The following UBE3A variants were observed in gnomAD, a reference collection of about 807,000 sequenced individuals.
The protein encoded by UBE3A is ubiquitin-protein ligase E3A.
Under a neutral mutation model 83.4 loss-of-function variants are expected in UBE3A, and 6 were observed. That is an observed-to-expected ratio of 0.07 (90% CI 0.04 to 0.14). The LOEUF is 0.14. UBE3A is among the 10% of genes least tolerant of loss of function. The probability of loss-of-function intolerance (pLI) is 1.00; values close to 1 mark genes in which losing one functional copy is unlikely to be tolerated. For missense variants in UBE3A, 456 were observed against 1,036.1 expected (o/e 0.44, Z 7.69); for synonymous variants, 337 against 355.4 (o/e 0.95, Z 0.58).
Position 25,339,006 on chromosome 15 carries a change from T to C in UBE3A, c.*131A>G. ...GACATAGGTGACTACTGTGGTTGACTATCTTACAGCCTTTTTGTACTGGGA... is the reference window on the plus strand; with the variant it reads ...GACATAGGTGACTACTGTGGTTGACCATCTTACAGCCTTTTTGTACTGGGA... On this transcript the variant is annotated 3_prime_UTR_variant, in exon 13 of 13. Coordinates refer to ENST00000648336, the MANE Select transcript of UBE3A (RefSeq NM_130839.5). 9.3e-7 allele frequency: 1 copy of C among 1,075,246 alleles called. No homozygotes were observed. Among genetic ancestry groups the C allele is most frequent in the South Asian group, 1.9e-5 (1 of 51,334 alleles). The allele number at this position is 1,075,246 out of a possible 1,614,324, so 66.6% of individuals were successfully genotyped here.
chr15:25,371,041 G>C lies in UBE3A; in HGVS notation c.1133C>G (p.Ala378Gly), dbSNP rs1219606975. 1 of 1,613,886 alleles carries C rather than the reference G, an allele frequency of 6.2e-7. No homozygotes were observed. Among genetic ancestry groups the C allele is most frequent in the Non-Finnish European group, 8.5e-7 (1 of 1,179,932 alleles). Residue 378 changes from alanine (A) to glycine (G), a missense_variant, in exon 6 of 13, where the codon GCA becomes GGA. By Grantham distance (60) the Ala-to-Gly change is moderately conservative (BLOSUM62 0). Coordinates refer to ENST00000648336, the MANE Select transcript of UBE3A (RefSeq NM_130839.5). The surrounding 1 kb of genome is among the most constrained non-coding windows in gnomAD (Gnocchi z 5.3). ...GTCCACTTCCCCTCCCACTACATTT[G>C]CATAGTAAACCATTTTCAAGCACTT... ...ASKCLKMVYY[A>G]NVVGGEVDTN...
intron 6 of UBE3A, among the ~76,000 whole-genome samples, chr15:25,365,160 T>C (rs946194937): frequency 6.6e-6 from 1 of 152,056 alleles, no homozygotes; most frequent in African/African-American, 2.4e-5. Context: ...TAATTGGCCA[T>C]GATGATGAAA....
chr15:25,413,688 A>G (rs979598099), intron 1 of UBE3A, among the ~76,000 whole-genome samples: 1 of 152,170 alleles, frequency 6.6e-6, no homozygotes, highest in Non-Finnish European at 1.5e-5. Context: ...TTTTACTGCC[A>G]AAAAGACGTG....
chr15:25,428,982 T>C (rs928938752), intron 1 of UBE3A, among the ~76,000 whole-genome samples: 11 of 152,162 alleles, frequency 7.2e-5, no homozygotes, highest in Non-Finnish European at 1.2e-4. Flanking sequence ...GTGGGACACA[T>C]ACATTTTATC....
Position 25,413,825 on chromosome 15 carries a change from G to A in UBE3A, c.-164-1854C>T, listed in dbSNP as rs569909443. 4.4e-4 allele frequency among the ~76,000 whole-genome samples: 67 copies of A among 152,138 alleles called. 1 individual carries two copies. The highest frequency in any genetic ancestry group is 1.6e-3 in the African/African-American group (65 of 41,518). On this transcript the variant is annotated intron_variant, in intron 1 of 12. Transcript: ENST00000648336. ...CTTAATTTTTGTAGCTTTTAAGACT[G>A]CTAATGACTCCTCACCTCCTCTGGC...
Position 25,339,126 on chromosome 15 carries a change from TTTGTTTTG to T in UBE3A, c.*3_*10del. The T allele has an allele frequency of 6.5e-7, 1 of 1,529,864 alleles. No individual in the cohort carries two copies. Among genetic ancestry groups the T allele is most frequent in the Non-Finnish European group, 8.8e-7 (1 of 1,142,440 alleles). The allele number at this position is 1,529,864 out of a possible 1,614,324, so 94.8% of individuals were successfully genotyped here. Reference sequence around the variant, plus strand: ...CTTCCTTTTTTTTGTTTTATTTTGTTTTGTTTTGTTTTACAGCATGCCAAATCCTTTGG... The same window carrying T: ...CTTCCTTTTTTTTGTTTTATTTTGTTTTTTACAGCATGCCAAATCCTTTGG... On this transcript the variant is annotated 3_prime_UTR_variant, in exon 13 of 13. Coordinates refer to ENST00000648336, the MANE Select transcript of UBE3A (RefSeq NM_130839.5).
At chr15:25,414,615 A>G (rs563219081) in intron 1 of UBE3A, among the ~76,000 whole-genome samples, 1 of 152,194 alleles carries the variant, frequency 6.6e-6, no homozygotes, top group Non-Finnish European at 1.5e-5. Context: ...TGAGGTAATG[A>G]TGGTAGCACT....
At position 25,424,568 on chromosome 15, in the gene UBE3A, A is replaced by C. The variant is rs1890767703; in HGVS notation, c.-164-12597T>G. 2.0e-5 allele frequency among the ~76,000 whole-genome samples: 3 copies of C among 152,220 alleles called. No individual in the cohort carries two copies. The South Asian group carries it at 6.2e-4, about 31-fold the overall frequency. On this transcript the variant is annotated intron_variant, in intron 1 of 12. Coordinates refer to ENST00000648336, the MANE Select transcript of UBE3A (RefSeq NM_130839.5). The stretch of plus-strand genomic sequence containing the variant: ...CTGTCTCTACCAGGACCTAGAAAAA[A>C]AGGCCCACTACACAGTAGGTGTTCA...
chr15:25,430,027 CTATATATATATATATA>C (rs199950859), intron 1 of UBE3A, among the ~76,000 whole-genome samples: 1 of 66,222 alleles, frequency 1.5e-5, no homozygotes, highest in East Asian at 6.1e-4. Flanking sequence ...AAAAAAAAAC[CTATATATATATATATA>C]TATATATTTA....
chr15:25,356,671 A>G lies in UBE3A; in HGVS notation c.1959+20T>C, dbSNP rs550972576. On this transcript the variant is annotated intron_variant, in intron 8 of 12. Transcript: ENST00000648336. ...AATAAAATCTAAGAGACTGAATTAA[A>G]AAAATGACAAAGAACTTACTGGGTG... 1 of 1,609,606 alleles carries G rather than the reference A, an allele frequency of 6.2e-7. No individual in the cohort carries two copies. The highest frequency in any genetic ancestry group is 2.2e-5 in the East Asian group (1 of 44,748).
intron 6 of UBE3A, among the ~76,000 whole-genome samples, chr15:25,369,340 T>C (rs1321414573): frequency 7.4e-6 from 1 of 135,714 alleles, no homozygotes. Context: ...ACTATAAACA[T>C]ATCTGACATT....
At position 25,338,890 on chromosome 15, in the gene UBE3A, A is replaced by ATAAT. The variant is rs978029811; in HGVS notation, c.*243_*246dup. 3 of 207,034 alleles carry ATAAT rather than the reference A, an allele frequency of 1.4e-5. No individual in the cohort carries two copies. The highest frequency in any genetic ancestry group is 7.0e-5 in the African/African-American group (3 of 43,120). The allele number at this position is 207,034 out of a possible 1,614,324, so 12.8% of individuals were successfully genotyped here. On this transcript the variant is annotated 3_prime_UTR_variant, in exon 13 of 13. Transcript: ENST00000648336. ...ATATGTAACACTTTCACGCAAAAAAATAATTATAATAATAATAAAGGATTT... is the reference window on the plus strand; with the variant it reads ...ATATGTAACACTTTCACGCAAAAAAATAATTAATTATAATAATAATAAAGGATTT...
chr15:25,404,948 C>A (rs981144609), intron 4 of UBE3A, among the ~76,000 whole-genome samples: 34 of 152,184 alleles, frequency 2.2e-4, no homozygotes, highest in African/African-American at 7.7e-4. Flanking sequence ...CTGCCATCTA[C>A]ACTAGATTCC....
At chr15:25,427,235 A>G (rs117535502) in intron 1 of UBE3A, among the ~76,000 whole-genome samples, 1,650 of 152,282 alleles carry the variant, frequency 0.011, 14 homozygotes, top group Non-Finnish European at 0.019. Context: ...CTCAGTTGAG[A>G]TAAACACGAC....
chr15:25,382,884 T>C (rs1270444485), intron 4 of UBE3A, among the ~76,000 whole-genome samples: 1 of 151,162 alleles, frequency 6.6e-6, no homozygotes, highest in Non-Finnish European at 1.5e-5. Flanking sequence ...CCACCAAGAC[T>C]GAGCCACAAA....
intron 1 of UBE3A, among the ~76,000 whole-genome samples, chr15:25,427,865 A>G (rs1308081448): frequency 6.6e-6 from 1 of 151,944 alleles, no homozygotes; most frequent in Non-Finnish European, 1.5e-5. Flanking sequence ...TAGACTTTAA[A>G]ATGTAGTTTA....
rs953524411 is a variant in UBE3A at position 25,336,365 on chromosome 15, T to C, written c.*2772A>G. On this transcript the variant is annotated 3_prime_UTR_variant, in exon 13 of 13. Transcript: ENST00000648336. The stretch of plus-strand genomic sequence containing the variant: ...GGGACGACATTTCTTCCTCTGACAG[T>C]TTGTATGGAATTCTTGAGAAAAATT... 6.6e-6 allele frequency: 1 copy of C among 152,096 alleles called. No homozygotes were observed. Among genetic ancestry groups the C allele is most frequent in the Non-Finnish European group, 1.5e-5 (1 of 68,018 alleles). The allele number at this position is 152,096 out of a possible 1,614,324, so 9.4% of individuals were successfully genotyped here.
chr15:25,370,735 A>G lies in UBE3A; in HGVS notation c.1439T>C (p.Ile480Thr). The G allele has an allele frequency of 6.2e-7, 1 of 1,614,184 alleles. No individual in the cohort carries two copies. Among genetic ancestry groups the G allele is most frequent in the Non-Finnish European group, 8.5e-7 (1 of 1,180,006 alleles). ...CAAATTCTTTGTGACAGCATTCAATATAAAGGGACATGTCATAAAAGAGAA... is the reference window on the plus strand; with the variant it reads ...CAAATTCTTTGTGACAGCATTCAATGTAAAGGGACATGTCATAAAAGAGAA... ...NKFSFMTCPF[I>T]LNAVTKNLGL... The change falls in exon 6 of 13, where the codon ATA becomes ACA. Residue 480 changes from isoleucine (I) to threonine (T), a missense_variant. By Grantham distance (89) the Ile-to-Thr change is moderately conservative. This residue lies in a region of UBE3A where 58 missense variants were observed against 237.1 expected (regional missense o/e 0.24). Coordinates refer to ENST00000648336, the MANE Select transcript of UBE3A (RefSeq NM_130839.5). This position sits in a 1 kb window ranked among gnomAD's most constrained non-coding sequence, Gnocchi z 4.2.
chr15:25,349,133 G>C (rs2076139103), intron 11 of UBE3A, among the ~76,000 whole-genome samples: 1 of 152,168 alleles, frequency 6.6e-6, no homozygotes, highest in Admixed American at 6.5e-5. Flanking sequence ...CACACAGATT[G>C]ATTTTCAACA....
Sources: allele counts gnomAD v4.1 joint callset (sites outside exome capture counted in the v4.1 genomes callset), GRCh38; gene constraint gnomAD v4.1.1; regional missense constraint gnomAD v4.1.1; non-coding constraint Gnocchi (gnomAD v3.1); transcripts MANE v1.5; gene names NCBI Gene and HGNC (gene_info 2026-07-23, HGNC 2026-07-21).